Variants in WASF1 observed in about 807,000 individuals in gnomAD.
WASF1 encodes actin-binding protein WASF1.
WASF1 carries 7 observed loss-of-function variants against 50.5 expected under a neutral mutation model. That is an observed-to-expected ratio of 0.14 (90% CI 0.08 to 0.26). The LOEUF is 0.26. WASF1 is among the 10% of genes least tolerant of loss of function. The pLI, the probability that WASF1 is intolerant of heterozygous loss-of-function variation, is 1.00. For missense variants in WASF1, 470 were observed against 694.7 expected (o/e 0.68, Z 3.64); for synonymous variants, 205 against 244.0 (o/e 0.84, Z 1.49).
At chr6:110,122,837 T>A (rs182963434) in intron 4 of WASF1, among the ~76,000 whole-genome samples, 349 of 152,134 alleles carry the variant, frequency 2.3e-3, no homozygotes, top group African/African-American at 7.6e-3. Context: ...AGTCAAAAGT[T>A]ATATGCAAAT....
intron 3 of WASF1, among the ~76,000 whole-genome samples, chr6:110,142,964 A>AG (rs1248685966): frequency 6.6e-6 from 1 of 150,514 alleles, no homozygotes; most frequent in Non-Finnish European, 1.5e-5. Flanking sequence ...AAAAAAAAAA[A>AG]AAAAAAAAAC....
intron 3 of WASF1, among the ~76,000 whole-genome samples, chr6:110,131,075 T>C (rs1422139112): frequency 1.3e-5 from 2 of 152,224 alleles, no homozygotes; most frequent in African/African-American, 4.8e-5. Context: ...TATGAGCCAT[T>C]TGAAGGTTAT....
intron 4 of WASF1, among the ~76,000 whole-genome samples, chr6:110,118,025 G>C (rs1045221775): frequency 9.9e-5 from 15 of 152,154 alleles, no homozygotes; most frequent in Middle Eastern, 3.4e-3. Flanking sequence ...ACTAAACATG[G>C]AAAGCAACAA....
At chr6:110,101,481 C>G in intron 10 of WASF1, 107 bp downstream of exon 10, 1 of 1,436,410 alleles carries the variant, frequency 7.0e-7, no homozygotes, top group Non-Finnish European at 9.3e-7. Context: ...TGTACACAAA[C>G]ATGATCACCT....
intron 4 of WASF1, among the ~76,000 whole-genome samples, chr6:110,116,672 G>C (rs1773825389): frequency 6.6e-6 from 1 of 152,210 alleles, no homozygotes; most frequent in Admixed American, 6.5e-5. Flanking sequence ...AGAGAGCAGT[G>C]GTTCTCTCAG....
chr6:110,178,346 T>C (rs148817469), intron 2 of WASF1, among the ~76,000 whole-genome samples: 206 of 152,330 alleles, frequency 1.4e-3, no homozygotes, highest in African/African-American at 4.6e-3. Context: ...AGAGTTCAAA[T>C]TGAGACTGCA....
intron 2 of WASF1, among the ~76,000 whole-genome samples, chr6:110,162,092 T>C (rs1265508331): frequency 6.6e-6 from 1 of 151,518 alleles, no homozygotes; most frequent in African/African-American, 2.4e-5. Flanking sequence ...AGTGAATATA[T>C]TTTAAGAAAA....
intron 2 of WASF1, among the ~76,000 whole-genome samples, chr6:110,161,371 T>G (rs1331225499): frequency 3.3e-5 from 5 of 151,592 alleles, no homozygotes; most frequent in Admixed American, 2.0e-4. Flanking sequence ...GCAATGAAAC[T>G]CATCCAAAAA....
chr6:110,164,977 GC>G (rs1776414364), intron 2 of WASF1, among the ~76,000 whole-genome samples: 1 of 151,568 alleles, frequency 6.6e-6, no homozygotes, highest in African/African-American at 2.4e-5. Flanking sequence ...CAACTACATG[GC>G]ATGATAGAAA....
At chr6:110,127,331 T>C (rs1774462917) in intron 4 of WASF1, 138 bp downstream of exon 4, 2 of 653,502 alleles carry the variant, frequency 3.1e-6, no homozygotes, top group Non-Finnish European at 4.5e-6. Context: ...ATTATACTCA[T>C]GTGACTATAT....
intron 3 of WASF1, among the ~76,000 whole-genome samples, chr6:110,160,091 C>T (rs914553324): frequency 6.6e-6 from 1 of 151,790 alleles, no homozygotes; most frequent in African/African-American, 2.4e-5. Context: ...ACAGAATATA[C>T]ACTTCCATCA....
chr6:110,126,897 C>T (rs1774440906), intron 4 of WASF1, among the ~76,000 whole-genome samples: 1 of 152,164 alleles, frequency 6.6e-6, no homozygotes, highest in Non-Finnish European at 1.5e-5. Flanking sequence ...TGCTTGACTT[C>T]TGTCTGCCAG....
chr6:110,150,799 G>C (rs1283223350), intron 3 of WASF1, among the ~76,000 whole-genome samples: 1 of 152,206 alleles, frequency 6.6e-6, no homozygotes, highest in Non-Finnish European at 1.5e-5. Flanking sequence ...ACTTTGGGAG[G>C]CTGAGGCGGG....
chr6:110,131,785 G>C (rs1277811989), intron 3 of WASF1, among the ~76,000 whole-genome samples: 2 of 152,170 alleles, frequency 1.3e-5, no homozygotes, highest in African/African-American at 2.4e-5. Context: ...TTACAGGCTT[G>C]AGCCACTGTG....
At chr6:110,112,457 C>G (rs1241359057) in intron 5 of WASF1, among the ~76,000 whole-genome samples, 3 of 152,154 alleles carry the variant, frequency 2.0e-5, no homozygotes, top group Non-Finnish European at 4.4e-5. Flanking sequence ...TTTAGCCTAT[C>G]TGATTATTCC....
chr6:110,108,826 T>G (rs1026560839), intron 5 of WASF1, 145 bp from the exon 6 acceptor site: 3 of 684,960 alleles, frequency 4.4e-6, no homozygotes, highest in Non-Finnish European at 7.1e-6. Context: ...AAACCATATT[T>G]TAAATGTTCT....
At chr6:110,116,979 T>A (rs1773841270) in intron 4 of WASF1, among the ~76,000 whole-genome samples, 1 of 151,592 alleles carries the variant, frequency 6.6e-6, no homozygotes, top group African/African-American at 2.4e-5. Flanking sequence ...AGAAGGGACA[T>A]CCACACCAAA....
rs1416540448 is a variant in WASF1, at chr6:110,099,862, AAC to A, written c.*658_*659del. On this transcript the variant is annotated 3_prime_UTR_variant, in exon 11 of 11. Coordinates refer to ENST00000392589, the MANE Select transcript of WASF1 (RefSeq NM_003931.3). ...TTTATTAAATCAGACTGTTATTCTT[AAC>A]AGTTATGTAAGTTACATGTATGTTT... 6.6e-6 allele frequency: 1 copy of A among 152,638 alleles called. No individual in the cohort carries two copies. Among genetic ancestry groups the A allele is most frequent in the Non-Finnish European group, 1.5e-5 (1 of 68,038 alleles). The allele number at this position is 152,638 out of a possible 1,614,324, so 9.5% of individuals were successfully genotyped here.
chr6:110,167,509 T>C (rs1428013554), intron 2 of WASF1, among the ~76,000 whole-genome samples: 1 of 152,026 alleles, frequency 6.6e-6, no homozygotes, highest in Non-Finnish European at 1.5e-5. Flanking sequence ...TCAGTCTCCT[T>C]TGCTAGTGCA....
Sources: allele counts gnomAD v4.1 joint callset (sites outside exome capture counted in the v4.1 genomes callset), GRCh38; gene constraint gnomAD v4.1.1; transcripts MANE v1.5; gene names NCBI Gene and HGNC (gene_info 2026-07-23, HGNC 2026-07-21).